DHRSX: variants seen among roughly 807,000 people sequenced by gnomAD.
DHRSX encodes the protein dehydrogenase/reductase X-linked, also known as polyprenol dehydrogenase.
A neutral mutation model predicts 34.0 loss-of-function variants in DHRSX; 31 were observed. The observed-to-expected ratio is 0.91, with a 90% CI of 0.69 to 1.23. DHRSX has a LOEUF of 1.23. DHRSX is among the 50% of genes most tolerant of loss of function. DHRSX has a pLI of 0.00. For synonymous variants in DHRSX, 201 were observed against 183.8 expected, an observed-to-expected ratio of 1.09 and a Z score of -0.76; for missense variants, 414 against 428.1, an observed-to-expected ratio of 0.97 and a Z score of 0.29.
chrX:2,408,479 C>T (rs962332768), intron 3 of DHRSX, among the ~76,000 whole-genome samples: 17 of 152,112 alleles, frequency 1.1e-4, no homozygotes, highest in South Asian at 2.1e-4. Flanking sequence ...GGGGAACACA[C>T]ATTTGAGTAA....
chrX:2,328,361 A>C (rs1231240122), intron 3 of DHRSX, among the ~76,000 whole-genome samples: 4 of 146,914 alleles, frequency 2.7e-5, no homozygotes, highest in African/African-American at 1.0e-4. Flanking sequence ...ACATTGGGAC[A>C]ACCCTGTGAG....
chrX:2,424,045 A>T (rs1296454324), intron 2 of DHRSX, among the ~76,000 whole-genome samples: 1 of 152,164 alleles, frequency 6.6e-6, no homozygotes, highest in African/African-American at 2.4e-5. Context: ...GTTTGGAAAT[A>T]AGGTCTTTAA....
intron 3 of DHRSX, among the ~76,000 whole-genome samples, chrX:2,349,509 A>AG (rs2042760634): frequency 2.0e-5 from 3 of 151,514 alleles, no homozygotes; most frequent in Non-Finnish European, 4.4e-5. Context: ...AACATGGTGA[A>AG]ACCCCGTGTC....
At position 2,431,558 on chromosome X, in the gene DHRSX, T is replaced by C. The variant is rs188712115; in HGVS notation, c.110-6254A>G. ...AGGAAGACATGGTGCATCTATACCA[T>C]GGAATACTATGCACCCATTAAAAAG... On this transcript the variant is annotated intron_variant, in intron 1 of 6. Coordinates refer to ENST00000334651, the MANE Select transcript of DHRSX (RefSeq NM_145177.3). Among the ~76,000 whole-genome samples the C allele has an allele frequency of 1.6e-3, 240 of 152,186 alleles. 1 individual carries two copies. Among genetic ancestry groups the C allele is most frequent in the African/African-American group, 5.6e-3 (231 of 41,526 alleles).
chrX:2,353,031 C>T lies in DHRSX; in HGVS notation c.286+55714G>A, dbSNP rs1004592179. Among the ~76,000 whole-genome samples, 4 of 151,990 alleles carry T rather than the reference C, an allele frequency of 2.6e-5. 1 individual carries two copies. In the South Asian group the frequency reaches 6.2e-4, roughly 24 times the overall value. ...CATGGCAGGCAAGATGGCTTGAGCT[C>T]GGGAGTTTGAGACCAGCCTGGGACA... On this transcript the variant is annotated intron_variant, in intron 3 of 6. Transcript: ENST00000334651.
intron 1 of DHRSX, among the ~76,000 whole-genome samples, chrX:2,464,555 C>T (rs1409872928): frequency 6.7e-6 from 1 of 148,470 alleles, no homozygotes; most frequent in Non-Finnish European, 1.5e-5. Flanking sequence ...GGGACCCCCG[C>T]CATGTTCGCA....
chrX:2,303,753 T>TTGGATAGATGGA (rs1322833060), intron 3 of DHRSX, among the ~76,000 whole-genome samples: 2 of 134,186 alleles, frequency 1.5e-5, no homozygotes, highest in Non-Finnish European at 3.2e-5. Context: ...GATGGATGGA[T>TTGGATAGATGGA]TGGATAGATG....
chrX:2,223,262 A>G (rs987738340), intron 6 of DHRSX, among the ~76,000 whole-genome samples: 7 of 152,074 alleles, frequency 4.6e-5, no homozygotes, highest in Non-Finnish European at 8.8e-5. Context: ...ATGACATCTG[A>G]TGGTTTTATA....
Position 2,271,155 on chromosome X carries a change from C to A in DHRSX, c.389-4208G>T, listed in dbSNP as rs766059996. Reference sequence around the variant, plus strand: ...AGCTGTAAGACTCACTGCCAAGGTCCGCAGCTTCACTCCTGAAGTCAGCGA... The same window carrying A: ...AGCTGTAAGACTCACTGCCAAGGTCAGCAGCTTCACTCCTGAAGTCAGCGA... On this transcript the variant is annotated intron_variant, in intron 4 of 6. Coordinates refer to ENST00000334651, the MANE Select transcript of DHRSX (RefSeq NM_145177.3). 2.6e-5 allele frequency among the ~76,000 whole-genome samples: 4 copies of A among 152,264 alleles called. No homozygotes were observed. In the South Asian group the frequency reaches 8.3e-4, roughly 32 times the overall value.
At chrX:2,464,447 G>A (rs1044995853) in intron 1 of DHRSX, among the ~76,000 whole-genome samples, 5 of 84,660 alleles carry the variant, frequency 5.9e-5, no homozygotes, top group African/African-American at 1.6e-4. Context: ...GTGGGTAAGG[G>A]ACCGCCGCCA....
intron 1 of DHRSX, among the ~76,000 whole-genome samples, chrX:2,461,457 A>G (rs2044400857): frequency 6.6e-6 from 1 of 152,202 alleles, no homozygotes; most frequent in Non-Finnish European, 1.5e-5. Flanking sequence ...ATAACGCACA[A>G]CCTACTAGCT....
chrX:2,344,914 T>TATAC (rs1250069517), intron 3 of DHRSX, among the ~76,000 whole-genome samples: 1 of 122,768 alleles, frequency 8.1e-6, no homozygotes, highest in African/African-American at 3.1e-5. Context: ...TATATATATA[T>TATAC]ACTGTATTTA....
At chrX:2,316,719 TTGGAATGCTAAGCATG>T (rs2042245427) in intron 3 of DHRSX, among the ~76,000 whole-genome samples, 1 of 152,166 alleles carries the variant, frequency 6.6e-6, no homozygotes, top group Non-Finnish European at 1.5e-5. Context: ...TGTTCCATTA[TTGGAATGCTAAGCATG>T]TGGAGTTATT....
At chrX:2,429,533 G>A (rs1400474809) in intron 1 of DHRSX, among the ~76,000 whole-genome samples, 5 of 151,020 alleles carry the variant, frequency 3.3e-5, no homozygotes, top group Admixed American at 6.6e-5. Flanking sequence ...CTGAAGCCTC[G>A]ACCTCCTGGA....
In DHRSX at chrX:2,246,735, A is replaced by AGAAG. The variant is rs2016301829; in HGVS notation, c.597-3506_597-3505insCTTC. On this transcript the variant is annotated intron_variant, in intron 5 of 6. Transcript: ENST00000334651. ...AAGAAAGAAAGAAAGAAAGAAAGAA[A>AGAAG]GAAAGAAAGAAAGAAAAAGAAAGAA... Among the ~76,000 whole-genome samples, 4 of 115,598 alleles carry AGAAG rather than the reference A, an allele frequency of 3.5e-5. No homozygotes were observed. In the East Asian group the frequency reaches 8.2e-4, roughly 24 times the overall value. 75.8% of individuals were successfully genotyped at this position (115,598 alleles called of 152,430 possible).
chrX:2,266,997 GA>G (rs771127873), intron 4 of DHRSX, 50 bp from the exon 5 acceptor site: 7 of 1,586,788 alleles, frequency 4.4e-6, no homozygotes, highest in Non-Finnish European at 5.2e-6. Flanking sequence ...AGACAGTGGA[GA>G]AATCTCACAG....
intron 5 of DHRSX, among the ~76,000 whole-genome samples, chrX:2,249,494 C>A (rs1265695070): frequency 6.8e-6 from 1 of 146,248 alleles, no homozygotes; most frequent in Non-Finnish European, 1.5e-5. Context: ...TGAGCCACCA[C>A]GCTCAGCCCT....
At chrX:2,484,533 G>T (rs2044830186) in intron 1 of DHRSX, among the ~76,000 whole-genome samples, 2 of 152,152 alleles carry the variant, frequency 1.3e-5, no homozygotes, top group East Asian at 3.9e-4. Context: ...AGAAAATCTG[G>T]AAGAAACGAG....
intron 3 of DHRSX, among the ~76,000 whole-genome samples, chrX:2,317,044 G>A (rs2042248887): frequency 6.6e-6 from 1 of 152,082 alleles, no homozygotes; most frequent in African/African-American, 2.4e-5. Context: ...TGCACCCTTC[G>A]CCTCCCGGGT....
Sources: gnomAD v4.1 joint callset for allele counts (sites outside exome capture counted in the v4.1 genomes callset) on GRCh38, gnomAD v4.1.1 for gene constraint, MANE v1.5 for transcripts, NCBI Gene and HGNC (gene_info 2026-07-23, HGNC 2026-07-21) for gene names.